The following KIAA1217 variants were observed in gnomAD, a reference collection of about 807,000 sequenced individuals.
KIAA1217 encodes the protein sickle tail protein homolog.
A neutral mutation model predicts 163.9 loss-of-function variants in KIAA1217; 88 were observed. The ratio of observed to expected loss-of-function variants is 0.54; its 90% CI spans 0.45 to 0.64. KIAA1217 has a LOEUF of 0.64. KIAA1217 is among the 30% of genes least tolerant of loss of function. The pLI is 0.00. For synonymous variants in KIAA1217, 903 were observed against 923.1 expected, an observed-to-expected ratio of 0.98 and a Z score of 0.39; for missense variants, 2,372 against 2,475.0, an observed-to-expected ratio of 0.96 and a Z score of 0.88.
intron 1 of KIAA1217, among the ~76,000 whole-genome samples, chr10:23,911,259 A>G (rs139108036): frequency 6.6e-6 from 1 of 152,292 alleles, no homozygotes; most frequent in East Asian, 1.9e-4. Context: ...GGCACTGTCT[A>G]CAAGGCACTA....
At chr10:24,339,317 A>G (rs117107474) in intron 2 of KIAA1217, among the ~76,000 whole-genome samples, 115 of 152,274 alleles carry the variant, frequency 7.6e-4, no homozygotes, top group Non-Finnish European at 1.5e-3. Context: ...TTGTCACCCA[A>G]TTTTTGGCTA....
intron 2 of KIAA1217, among the ~76,000 whole-genome samples, chr10:24,153,284 T>C (rs2064710125): frequency 1.3e-5 from 2 of 152,198 alleles, no homozygotes; most frequent in Admixed American, 1.3e-4. Context: ...AAGGGTTAGT[T>C]TATACTTTTG....
At chr10:24,431,492 G>A (rs921920501) in intron 3 of KIAA1217, among the ~76,000 whole-genome samples, 2 of 152,104 alleles carry the variant, frequency 1.3e-5, no homozygotes, top group Admixed American at 1.3e-4. Flanking sequence ...GCTCACCTGG[G>A]GCTGGGGAGA....
intron 1 of KIAA1217, among the ~76,000 whole-genome samples, chr10:23,856,917 C>T (rs1839709820): frequency 2.0e-5 from 3 of 152,214 alleles, no homozygotes; most frequent in Admixed American, 6.5e-5. Flanking sequence ...GTCTGTCACC[C>T]CTTTCTTTGA....
At chr10:23,986,797 GTACAA>G (rs1371621496) in intron 1 of KIAA1217, among the ~76,000 whole-genome samples, 2 of 152,162 alleles carry the variant, frequency 1.3e-5, no homozygotes, top group Non-Finnish European at 2.9e-5. Flanking sequence ...GTTGTGCAGT[GTACAA>G]TACAAGAATG....
chr10:24,267,910 A>G (rs1056503191), intron 2 of KIAA1217, among the ~76,000 whole-genome samples: 7 of 152,206 alleles, frequency 4.6e-5, no homozygotes, highest in Non-Finnish European at 7.3e-5. Flanking sequence ...TTAAATTTTC[A>G]TAAATCAAAT....
chr10:24,458,138 C>T lies in KIAA1217; in HGVS notation c.847-15090C>T, dbSNP rs1038016267. 5.3e-5 allele frequency among the ~76,000 whole-genome samples: 8 copies of T among 152,284 alleles called. No individual in the cohort carries two copies. The East Asian group carries it at 9.7e-4, about 18-fold the overall frequency. ...CGTGGGCAGAGATGCCTGCCAAGCC[C>T]GGCCTCAGGGCATGTACAGCTCCCA... is the stretch of plus-strand genomic sequence containing the variant. On this transcript the variant is annotated intron_variant, in intron 5 of 20. Transcript: ENST00000376454.
intron 2 of KIAA1217, among the ~76,000 whole-genome samples, chr10:24,040,263 G>A (rs532953961): frequency 8.5e-5 from 13 of 152,334 alleles, no homozygotes; most frequent in African/African-American, 2.9e-4. Context: ...CTCTGGAGTA[G>A]CCACTTGGCT....
chr10:24,505,294 C>A (rs1039295324), intron 9 of KIAA1217, among the ~76,000 whole-genome samples: 4 of 150,352 alleles, frequency 2.7e-5, no homozygotes, highest in Non-Finnish European at 5.9e-5. Flanking sequence ...CTATATGGAA[C>A]CTTTATAGTG....
At chr10:24,244,887 C>A (rs2073590930) in intron 2 of KIAA1217, among the ~76,000 whole-genome samples, 1 of 152,058 alleles carries the variant, frequency 6.6e-6, no homozygotes, top group Non-Finnish European at 1.5e-5. Flanking sequence ...CGGCAGGAAG[C>A]TTTGATACTT....
chr10:24,300,077 C>T (rs1238528195), intron 2 of KIAA1217, among the ~76,000 whole-genome samples: 2 of 152,234 alleles, frequency 1.3e-5, no homozygotes, highest in African/African-American at 4.8e-5. Context: ...AGCTCAAACA[C>T]TGATGCCGAG....
At chr10:23,882,255 G>A (rs924493169) in intron 1 of KIAA1217, among the ~76,000 whole-genome samples, 1 of 151,930 alleles carries the variant, frequency 6.6e-6, no homozygotes, top group South Asian at 2.1e-4. Flanking sequence ...CTGAGTCAGT[G>A]TACAGCAGAC....
At chr10:24,077,548 A>G (rs1381639138) in intron 2 of KIAA1217, among the ~76,000 whole-genome samples, 5 of 152,226 alleles carry the variant, frequency 3.3e-5, no homozygotes, top group East Asian at 1.9e-4. Context: ...TCTATGGTGT[A>G]TACATACCAC....
At chr10:24,388,248 C>T (rs1025353050) in intron 3 of KIAA1217, among the ~76,000 whole-genome samples, 6 of 152,128 alleles carry the variant, frequency 3.9e-5, no homozygotes, top group African/African-American at 1.4e-4. Flanking sequence ...AGAAATAATA[C>T]CACACATCTA....
rs538584025 is a variant in KIAA1217 at position 24,500,052 on chromosome 10, T to A, written c.1835-1327T>A. On this transcript the variant is annotated intron_variant, in intron 8 of 20. Transcript: ENST00000376454. Reference sequence around the variant, plus strand: ...GAGCGGGAAAGGTTCCCGAAATGACTGAGCCAGGATGGAAAGACAGGGTAC... The same window carrying A: ...GAGCGGGAAAGGTTCCCGAAATGACAGAGCCAGGATGGAAAGACAGGGTAC... Among the ~76,000 whole-genome samples the A allele has an allele frequency of 7.7e-4, 117 of 152,296 alleles. No individual in the cohort carries two copies. The Middle Eastern group carries it at 0.017, about 22-fold the overall frequency.
chr10:23,745,174 C>A (rs111581252), intron 1 of KIAA1217, among the ~76,000 whole-genome samples: 2 of 152,124 alleles, frequency 1.3e-5, no homozygotes, highest in Non-Finnish European at 2.9e-5. Flanking sequence ...TTGTTGCCAA[C>A]AAAACATGAA....
chr10:24,228,605 C>T (rs908217411), intron 2 of KIAA1217, among the ~76,000 whole-genome samples: 1 of 152,108 alleles, frequency 6.6e-6, no homozygotes, highest in Non-Finnish European at 1.5e-5. Flanking sequence ...CAGAGAGAGA[C>T]AGAGCTGATG....
At chr10:24,206,924 C>T (rs1391737347), upstream of KIAA1217, among the ~76,000 whole-genome samples, 5 of 152,054 alleles carry the variant, frequency 3.3e-5, no homozygotes, top group East Asian at 1.9e-4. Context: ...GAGACATTTC[C>T]CTATTTTTGT....
intron 2 of KIAA1217, among the ~76,000 whole-genome samples, chr10:24,281,828 A>C (rs2132228887): frequency 6.6e-6 from 1 of 152,324 alleles, no homozygotes; most frequent in South Asian, 2.1e-4. Context: ...TGGGAGACCA[A>C]GACAGGCAGA....
Sources: gnomAD v4.1 joint callset for allele counts (sites outside exome capture counted in the v4.1 genomes callset) on GRCh38, gnomAD v4.1.1 for gene constraint, MANE v1.5 for transcripts, NCBI Gene and HGNC (gene_info 2026-07-23, HGNC 2026-07-21) for gene names.